The following DENND4A variants were observed in gnomAD, a reference collection of about 807,000 sequenced individuals.
DENND4A encodes the protein C-myc promoter-binding protein.
In DENND4A, 70 loss-of-function variants were observed where a neutral mutation model predicts 199.3. The ratio of observed to expected loss-of-function variants is 0.35; its 90% CI spans 0.29 to 0.43. DENND4A has a LOEUF of 0.43. DENND4A is among the 20% of genes least tolerant of loss of function. The pLI, the probability that DENND4A is intolerant of heterozygous loss-of-function variation, is 1.00. For missense variants in DENND4A, 1,723 were observed against 2,255.8 expected (o/e 0.76, Z 4.78); for synonymous variants, 686 against 766.9 (o/e 0.89, Z 1.74).
At chr15:65,743,602 AT>A (rs1232543424) in intron 4 of DENND4A, among the ~76,000 whole-genome samples, 1 of 152,174 alleles carries the variant, frequency 6.6e-6, no homozygotes, top group African/African-American at 2.4e-5. Context: ...TTTAAAAGTT[AT>A]TTGTTTAAAA....
intron 1 of DENND4A, among the ~76,000 whole-genome samples, chr15:65,762,286 C>T (rs558560885): frequency 2.0e-5 from 3 of 152,084 alleles, no homozygotes; most frequent in Admixed American, 1.3e-4. Context: ...GGATTACAGG[C>T]GTGAGCCACC....
chr15:65,728,003 T>TG (rs957412409), intron 11 of DENND4A, among the ~76,000 whole-genome samples: 1 of 151,730 alleles, frequency 6.6e-6, no homozygotes, highest in African/African-American at 2.4e-5. Flanking sequence ...TTTTTTTGTT[T>TG]GTTTTTTTTT....
At chr15:65,746,932 C>T (rs2076416617) in intron 4 of DENND4A, among the ~76,000 whole-genome samples, 1 of 145,904 alleles carries the variant, frequency 6.9e-6, no homozygotes, top group Admixed American at 6.8e-5. Context: ...CCTGTCTCTA[C>T]TAAAAAAAAA....
intron 22 of DENND4A, among the ~76,000 whole-genome samples, chr15:65,695,282 C>A (rs1377417727): frequency 1.3e-5 from 2 of 152,196 alleles, no homozygotes; most frequent in Admixed American, 1.3e-4. Flanking sequence ...CTCAACTCTG[C>A]TGTTGCAATG....
At chr15:65,770,749 T>C (rs889976539) in intron 1 of DENND4A, among the ~76,000 whole-genome samples, 2 of 152,182 alleles carry the variant, frequency 1.3e-5, no homozygotes, top group Non-Finnish European at 1.5e-5. Context: ...ATTTATTCCA[T>C]CAATTTAAAC....
At chr15:65,774,868 CT>C (rs397854207) in intron 1 of DENND4A, among the ~76,000 whole-genome samples, 30,591 of 111,804 alleles carry the variant, frequency 0.27, 3,329 homozygotes, top group East Asian at 0.69. Flanking sequence ...CAAATGTTTA[CT>C]TTTTTTTTTT....
chr15:65,715,703 G>A, intron 13 of DENND4A, 80 bp from the exon 14 acceptor site: 2 of 1,359,942 alleles, frequency 1.5e-6, no homozygotes, highest in Non-Finnish European at 2.0e-6. Flanking sequence ...GAAAGAATCT[G>A]AACAACCATG....
intron 20 of DENND4A, among the ~76,000 whole-genome samples, chr15:65,700,282 G>A (rs181069947): frequency 6.6e-6 from 1 of 151,956 alleles, no homozygotes; most frequent in African/African-American, 2.4e-5. Context: ...CTATGTCTAC[G>A]CAGAGTTAAC....
At chr15:65,679,443 G>A (rs554214025) in intron 23 of DENND4A, among the ~76,000 whole-genome samples, 17 of 152,214 alleles carry the variant, frequency 1.1e-4, no homozygotes, top group African/African-American at 3.9e-4. Context: ...TTTCAGTTAG[G>A]AATGGTGTTT....
At chr15:65,759,282 G>A (rs550013132) in intron 2 of DENND4A, among the ~76,000 whole-genome samples, 57 of 152,106 alleles carry the variant, frequency 3.7e-4, no homozygotes, top group Non-Finnish European at 6.3e-4. Context: ...TTCAAGACCA[G>A]CCTGGCCAAT....
chr15:65,662,140 C>G (rs1031606319), intron 32 of DENND4A, among the ~76,000 whole-genome samples, 153 bp from the exon 33 acceptor site: 1 of 152,214 alleles, frequency 6.6e-6, no homozygotes, highest in African/African-American at 2.4e-5. Context: ...AGCTGGATTG[C>G]ACAGACCAGT....
chr15:65,722,790 G>T, intron 12 of DENND4A, 58 bp downstream of exon 12: 1 of 1,288,588 alleles, frequency 7.8e-7, no homozygotes, highest in Non-Finnish European at 1.0e-6. Context: ...GTAAGGCAAA[G>T]TAATTGGAGT....
At chr15:65,726,871 G>A (rs887208521) in intron 11 of DENND4A, among the ~76,000 whole-genome samples, 1 of 151,654 alleles carries the variant, frequency 6.6e-6, no homozygotes, top group African/African-American at 2.4e-5. Flanking sequence ...CAGGAGAATT[G>A]CTTGAACCTG....
intron 11 of DENND4A, among the ~76,000 whole-genome samples, chr15:65,723,771 C>T (rs1036679636): frequency 1.3e-5 from 2 of 151,998 alleles, no homozygotes; most frequent in Non-Finnish European, 2.9e-5. Context: ...CTTTAATAAA[C>T]GTTATGTGAA....
intron 12 of DENND4A, among the ~76,000 whole-genome samples, chr15:65,718,759 CCTT>C (rs2075498906): frequency 2.1e-5 from 2 of 93,580 alleles, no homozygotes; most frequent in Non-Finnish European, 4.4e-5. Context: ...TGTTTTTTTT[CCTT>C]TTTTTTTTTT....
chr15:65,734,030 G>A (rs144203363), intron 7 of DENND4A, among the ~76,000 whole-genome samples: 114 of 152,276 alleles, frequency 7.5e-4, no homozygotes, highest in African/African-American at 2.6e-3. Context: ...ATATGGCCTC[G>A]TGGGAAGAGA....
intron 24 of DENND4A, among the ~76,000 whole-genome samples, chr15:65,676,141 A>AAAAAAAAAATATATAT (rs1362535499): frequency 1.8e-5 from 2 of 110,452 alleles, no homozygotes; most frequent in African/African-American, 6.1e-5. Flanking sequence ...AATAAGGAAA[A>AAAAAAAAAATATATAT]ATATATATAT....
In DENND4A at chr15:65,709,208, A is replaced by G. The variant is rs1217256458; in HGVS notation, c.1954-2984T>C. On this transcript the variant is annotated intron_variant, in intron 14 of 32. Transcript: ENST00000443035. ...CTAAGGAATAACCCTCACAAAAATT[A>G]TTCTTTTTAAAGTGTTACTGATATT... Among the ~76,000 whole-genome samples, 4 of 152,360 alleles carry G rather than the reference A, an allele frequency of 2.6e-5. No homozygotes were observed. In the East Asian group the frequency reaches 7.7e-4, roughly 29 times the overall value.
chr15:65,750,978 G>C (rs1367825104), intron 4 of DENND4A, among the ~76,000 whole-genome samples: 2 of 151,930 alleles, frequency 1.3e-5, no homozygotes, highest in Admixed American at 6.6e-5. Context: ...TTTGGCCCAA[G>C]GTCTGTTCTT....
Sources: allele counts gnomAD v4.1 joint callset (sites outside exome capture counted in the v4.1 genomes callset), GRCh38; gene constraint gnomAD v4.1.1; transcripts MANE v1.5; gene names NCBI Gene and HGNC (gene_info 2026-07-23, HGNC 2026-07-21).